The following HCRT variants were observed in gnomAD, a reference collection of about 807,000 sequenced individuals.
The protein encoded by HCRT is hypocretin neuropeptide precursor, also known as hypocretin (orexin) neuropeptide.
A neutral mutation model predicts 5.7 loss-of-function variants in HCRT; 5 were observed. The ratio of observed to expected loss-of-function variants is 0.87; its 90% CI spans 0.45 to 1.83. The LOEUF is 1.83. Ranked by LOEUF, HCRT falls within the 40% of genes most tolerant of loss-of-function variation. HCRT has a pLI of 0.02. For synonymous variants in HCRT, 114 were observed against 99.0 expected (o/e 1.15, Z -0.90); for missense variants, 207 against 191.8 (o/e 1.08, Z -0.47).
chr17:42,184,588 C>T, intron 1 of HCRT, 60 bp from the exon 2 acceptor site: 14 of 1,471,230 alleles, frequency 9.5e-6, no homozygotes, highest in Non-Finnish European at 1.3e-5. Context: ...CACCAGCTCC[C>T]ACGCCCAGGA....
intron 1 of HCRT, 31 bp from the exon 2 acceptor site, chr17:42,184,559 G>T (rs1291892250): frequency 2.0e-6 from 3 of 1,488,460 alleles, no homozygotes; most frequent in East Asian, 2.6e-5. Context: ...CGCTGGGGGG[G>T]TCTTCCCACG....
chr17:42,184,173 C>A lies in HCRT; in HGVS notation c.377G>T (p.Gly126Val). Reference sequence around the variant, plus strand: ...AACGACTCAGATCCCGGACTGTCCTCCGGGCGCGACGGAGGCGGCGGCCGG... The same window carrying A: ...AACGACTCAGATCCCGGACTGTCCTACGGGCGCGACGGAGGCGGCGGCCGG... ...SAPAAASVAP[G>V]GQSGI is the part of the protein sequence containing the mutation. The change falls in exon 2 of 2, where the codon GGA (glycine) becomes GTA (valine). Residue 126 changes from glycine (G) to valine (V), a missense_variant. Physicochemically the swap from Gly to Val is moderately radical, Grantham distance 109 (BLOSUM62 -3). Coordinates refer to ENST00000293330, the MANE Select transcript of HCRT (RefSeq NM_001524.1). 1 of 1,285,420 alleles carries A rather than the reference C, an allele frequency of 7.8e-7. No homozygotes were observed. Among genetic ancestry groups the A allele is most frequent in the South Asian group, 3.0e-5 (1 of 33,176 alleles). The allele number at this position is 1,285,420 out of a possible 1,614,324, so 79.6% of individuals were successfully genotyped here.
Position 42,184,114 on chromosome 17 carries a change from A to T in HCRT, c.*40T>A. On this transcript the variant is annotated 3_prime_UTR_variant, in exon 2 of 2. Coordinates refer to ENST00000293330, the MANE Select transcript of HCRT (RefSeq NM_001524.1). ...CTGGGGGCTGACGCTGGGTGGGCAG[A>T]GGGCAGAGGCCTGGGCCAGGACAGG... 1 of 1,249,028 alleles carries T rather than the reference A, an allele frequency of 8.0e-7. No homozygotes were observed. Among genetic ancestry groups the T allele is most frequent in the Non-Finnish European group, 1.0e-6 (1 of 992,634 alleles). The allele number at this position is 1,249,028 out of a possible 1,614,324, so 77.4% of individuals were successfully genotyped here.
chr17:42,184,349 G>T lies in HCRT; in HGVS notation c.201C>A (p.Gly67=). The T allele has an allele frequency of 6.3e-7, 1 of 1,583,542 alleles. No individual in the cohort carries two copies. The highest frequency in any genetic ancestry group is 8.5e-7 in the Non-Finnish European group (1 of 1,170,290). The change falls in exon 2 of 2, where the codon GGC becomes GGA. Residue 67 remains glycine, a synonymous_variant. Transcript: ENST00000293330. The stretch of plus-strand genomic sequence containing the variant: ...GGCCCGGGGGCCCGGACCTCCGCTT[G>T]CCCAGCGTGAGGATGCCGGCCGCGT... ...GNHAAGILTL[G]KRRSGPPGLQ...
intron 1 of HCRT, 112 bp downstream of exon 1, chr17:42,185,233 C>A: frequency 9.7e-7 from 1 of 1,036,146 alleles, no homozygotes; most frequent in Non-Finnish European, 1.5e-6. Context: ...AGAGCACACC[C>A]AGGAAAAGAC....
chr17:42,184,467 G>A lies in HCRT; in HGVS notation c.83C>T (p.Ser28Leu). The A allele has an allele frequency of 6.3e-7, 1 of 1,590,412 alleles. No individual in the cohort carries two copies. The highest frequency in any genetic ancestry group is 8.5e-7 in the Non-Finnish European group (1 of 1,174,042). The change falls in exon 2 of 2, where the codon TCG becomes TTG. Residue 28 changes from serine to leucine, a missense_variant. Transcript: ENST00000293330. ...LLLLLPPALL[S>L]SGAAAQPLPD... is the part of the protein sequence containing the mutation. ...CAGGGGCTGTGCAGCCGCCCCGGAC[G>A]ACAACAGCGCGGGCGGCAGCAGCAG... is the stretch of plus-strand genomic sequence containing the variant.
chr17:42,184,409 G>A lies in HCRT; in HGVS notation c.141C>T (p.Cys47=). ...CGCCGTGCAGCAGCTCGTAGAGGCG[G>A]CAAGAGCAAGTCTTTTGACGACAGC... ...PDCCRQKTCS[C]RLYELLHGAG... is the part of the protein sequence containing the mutation. Residue 47 remains cysteine, a synonymous_variant, in exon 2 of 2, where the codon TGC becomes TGT. Coordinates refer to ENST00000293330, the MANE Select transcript of HCRT (RefSeq NM_001524.1). The A allele has an allele frequency of 6.2e-7, 1 of 1,601,736 alleles. No homozygotes were observed. The highest frequency in any genetic ancestry group is 8.5e-7 in the Non-Finnish European group (1 of 1,177,790).
Position 42,184,399 on chromosome 17 carries a change from C to G in HCRT, c.151G>C (p.Glu51Gln), listed in dbSNP as rs1418502204. ...RQKTCSCRLY[E>Q]LLHGAGNHAA... The stretch of plus-strand genomic sequence containing the variant: ...TGATTGCCCGCGCCGTGCAGCAGCT[C>G]GTAGAGGCGGCAAGAGCAAGTCTTT... Residue 51 changes from glutamate to glutamine, a missense_variant, in exon 2 of 2, where the codon GAG (glutamate) becomes CAG (glutamine). Coordinates refer to ENST00000293330, the MANE Select transcript of HCRT (RefSeq NM_001524.1). The G allele has an allele frequency of 1.2e-6, 2 of 1,601,754 alleles. No individual in the cohort carries two copies. Among genetic ancestry groups the G allele is most frequent in the East Asian group, 4.5e-5 (2 of 44,630 alleles).
chr17:42,184,939 C>T (rs2079925986), intron 1 of HCRT, among the ~76,000 whole-genome samples: 1 of 152,208 alleles, frequency 6.6e-6, no homozygotes, highest in Non-Finnish European at 1.5e-5. Flanking sequence ...ACATGGAAAT[C>T]AGGAACTAGC....
At chr17:42,184,623 C>T in intron 1 of HCRT, 95 bp from the exon 2 acceptor site, 2 of 1,425,284 alleles carry the variant, frequency 1.4e-6, no homozygotes, top group Non-Finnish European at 1.8e-6. Flanking sequence ...TCCGCGCCCC[C>T]TCCAAGCCTG....
intron 1 of HCRT, among the ~76,000 whole-genome samples, 165 bp from the exon 2 acceptor site, chr17:42,184,693 A>T (rs2079925086): frequency 6.6e-6 from 1 of 152,044 alleles, no homozygotes; most frequent in Admixed American, 6.5e-5. Flanking sequence ...GTATCGGCCT[A>T]CTTTCCCTGC....
chr17:42,185,285 G>A lies in HCRT; in HGVS notation c.21+60C>T, dbSNP rs2079926974. The A allele has an allele frequency of 8.5e-6, 13 of 1,531,432 alleles. No homozygotes were observed. In the East Asian group the frequency reaches 2.9e-4, roughly 34 times the overall value. 94.9% of individuals were successfully genotyped at this position (1,531,432 alleles called of 1,614,324 possible). ...TTTGGCCTTTCTTCCAGCCCTCTGA[G>A]CAAGCACTCTTTTTGCTTCTCTGGG... On this transcript the variant is annotated intron_variant, in intron 1 of 1. Coordinates refer to ENST00000293330, the MANE Select transcript of HCRT (RefSeq NM_001524.1).
chr17:42,184,184 G>T lies in HCRT; in HGVS notation c.366C>A (p.Ser122=). The T allele has an allele frequency of 7.8e-7, 1 of 1,282,992 alleles. No individual in the cohort carries two copies. Among genetic ancestry groups the T allele is most frequent in the East Asian group, 3.1e-5 (1 of 31,908 alleles). The allele number at this position is 1,282,992 out of a possible 1,614,324, so 79.5% of individuals were successfully genotyped here. Residue 122 remains serine, a synonymous_variant, in exon 2 of 2, where the codon TCC becomes TCA. Coordinates refer to ENST00000293330, the MANE Select transcript of HCRT (RefSeq NM_001524.1). The part of the protein sequence containing the change: ...GRRCSAPAAA[S]VAPGGQSGI ...TCCCGGACTGTCCTCCGGGCGCGAC[G>T]GAGGCGGCGGCCGGGGCGGAACAGC...
chr17:42,184,329 G>T lies in HCRT; in HGVS notation c.221C>A (p.Pro74Gln). 6.4e-7 allele frequency: 1 copy of T among 1,554,234 alleles called. No homozygotes were observed. The highest frequency in any genetic ancestry group is 8.6e-7 in the Non-Finnish European group (1 of 1,156,236). ...LTLGKRRSGP[P>Q]GLQGRLQRLL... The stretch of plus-strand genomic sequence containing the variant: ...GCGCTGCAGCCGACCCTGGAGGCCC[G>T]GGGGCCCGGACCTCCGCTTGCCCAG... Residue 74 changes from proline (P) to glutamine (Q), a missense_variant, in exon 2 of 2, where the codon CCG (proline) becomes CAG (glutamine). By Grantham distance (76) the Pro-to-Gln change is moderately conservative (BLOSUM62 -1). Transcript: ENST00000293330.
intron 1 of HCRT, among the ~76,000 whole-genome samples, chr17:42,184,790 CTT>C (rs758048791): frequency 3.3e-5 from 5 of 152,212 alleles, no homozygotes; most frequent in Non-Finnish European, 5.9e-5. Flanking sequence ...TCTCTGGAGA[CTT>C]AGGCCACTGT....
Position 42,184,130 on chromosome 17 carries a change from C to A in HCRT, c.*24G>T, listed in dbSNP as rs2079921501. 2 of 1,275,814 alleles carry A rather than the reference C, an allele frequency of 1.6e-6. No individual in the cohort carries two copies. Among genetic ancestry groups the A allele is most frequent in the East Asian group, 3.1e-5 (1 of 31,780 alleles). The allele number at this position is 1,275,814 out of a possible 1,614,324, so 79.0% of individuals were successfully genotyped here. A position where few individuals can be genotyped will look rare whatever the true frequency, so the allele number is the denominator to read the frequency against. On this transcript the variant is annotated 3_prime_UTR_variant, in exon 2 of 2. Transcript: ENST00000293330. ...GGTGGGCAGAGGGCAGAGGCCTGGG[C>A]CAGGACAGGGCCCGAAGAACGACTC...
At position 42,184,209 on chromosome 17, in the gene HCRT, C is replaced by T. The variant is rs2079922032; in HGVS notation, c.341G>A (p.Arg114His). Residue 114 changes from arginine to histidine, a missense_variant, in exon 2 of 2, where the codon CGC becomes CAC. Transcript: ENST00000293330. Reference protein sequence around the residue: ...EPAPRPCLGRRCSAPAAASVA... With the variant: ...EPAPRPCLGRHCSAPAAASVA... ...GGAGGCGGCGGCCGGGGCGGAACAG[C>T]GGCGCCCGAGGCAGGGGCGCGGCGC... 6 of 1,303,104 alleles carry T rather than the reference C, an allele frequency of 4.6e-6. No individual in the cohort carries two copies. The highest frequency in any genetic ancestry group is 5.8e-6 in the Non-Finnish European group (6 of 1,028,938). 80.7% of individuals were successfully genotyped at this position (1,303,104 alleles called of 1,614,324 possible). A position where few individuals can be genotyped will look rare whatever the true frequency, so the allele number is the denominator to read the frequency against.
At position 42,184,364 on chromosome 17, in the gene HCRT, G is replaced by A; in HGVS notation, c.186C>T (p.Gly62=). 6.3e-7 allele frequency: 1 copy of A among 1,593,220 alleles called. No individual in the cohort carries two copies. ...ACCTCCGCTTGCCCAGCGTGAGGAT[G>A]CCGGCCGCGTGATTGCCCGCGCCGT... is the stretch of plus-strand genomic sequence containing the variant. ...LLHGAGNHAA[G]ILTLGKRRSG... The change falls in exon 2 of 2, where the codon GGC becomes GGT. Residue 62 remains glycine (G), a synonymous_variant. Coordinates refer to ENST00000293330, the MANE Select transcript of HCRT (RefSeq NM_001524.1).
Position 42,184,175 on chromosome 17 carries a change from G to C in HCRT, c.375C>G (p.Pro125=). 7.8e-7 allele frequency: 1 copy of C among 1,284,520 alleles called. No homozygotes were observed. The highest frequency in any genetic ancestry group is 9.8e-7 in the Non-Finnish European group (1 of 1,015,902). 79.6% of individuals were successfully genotyped at this position (1,284,520 alleles called of 1,614,324 possible). Residue 125 remains proline (P), a synonymous_variant, in exon 2 of 2, where the codon CCC becomes CCG. Coordinates refer to ENST00000293330, the MANE Select transcript of HCRT (RefSeq NM_001524.1). ...CSAPAAASVA[P]GGQSGI is the part of the protein sequence containing the mutation. ...CGACTCAGATCCCGGACTGTCCTCC[G>C]GGCGCGACGGAGGCGGCGGCCGGGG...
Sources: gnomAD v4.1 joint callset for allele counts (sites outside exome capture counted in the v4.1 genomes callset) on GRCh38, gnomAD v4.1.1 for gene constraint, MANE v1.5 for transcripts, NCBI Gene and HGNC (gene_info 2026-07-23, HGNC 2026-07-21) for gene names.